The following HASPIN variants were observed in gnomAD, a reference collection of about 807,000 sequenced individuals.
The protein encoded by HASPIN is histone H3 associated protein kinase.
HASPIN carries 24 observed loss-of-function variants against 28.8 expected under a neutral mutation model. That is an observed-to-expected ratio of 0.83 (90% CI 0.60 to 1.17). The LOEUF (loss-of-function observed/expected upper bound fraction) is 1.17. Ranked by LOEUF, HASPIN falls within the 50% of genes most tolerant of loss-of-function variation. HASPIN has a pLI of 0.00. For missense variants in HASPIN, 1,016 were observed against 1,018.5 expected, an observed-to-expected ratio of 1.00 and a Z score of 0.03; for synonymous variants, 440 against 413.1, an observed-to-expected ratio of 1.07 and a Z score of -0.79.
chr17:3,724,525 C>T lies in HASPIN; in HGVS notation c.590C>T (p.Ala197Val). 1 of 1,614,026 alleles carries T rather than the reference C, an allele frequency of 6.2e-7. No homozygotes were observed. The highest frequency in any genetic ancestry group is 1.1e-5 in the South Asian group (1 of 91,080). Residue 197 changes from alanine (A) to valine (V), a missense_variant, in exon 1 of 1, where the codon GCA becomes GTA. This residue lies in a region of HASPIN where 881 missense variants were observed against 845.5 expected (regional missense o/e 1.04). Coordinates refer to ENST00000325418, the MANE Select transcript of HASPIN (RefSeq NM_031965.2). ...ATCGGCACCTCCGCCTGTCTGGTTG[C>T]AGCCTCAGCCGTCCCGAGCGGCCTC... is the stretch of plus-strand genomic sequence containing the variant. The part of the protein sequence containing the change: ...ISIGTSACLV[A>V]ASAVPSGLHL...
At position 3,724,886 on chromosome 17, in the gene HASPIN, T is replaced by C; in HGVS notation, c.951T>C (p.Ser317=). Residue 317 remains serine (S), a synonymous_variant, in exon 1 of 1, where the codon AGT becomes AGC. Coordinates refer to ENST00000325418, the MANE Select transcript of HASPIN (RefSeq NM_031965.2). ...TCCGGAGAGAGCATCAGGAGGCCAG[T>C]GTTCCCAAGGGCCGCATTGTGCCAA... is the stretch of plus-strand genomic sequence containing the variant. ...EAVRREHQEA[S]VPKGRIVPRG... is the part of the protein sequence containing the mutation. 5.0e-6 allele frequency: 8 copies of C among 1,613,552 alleles called. No homozygotes were observed. Among genetic ancestry groups the C allele is most frequent in the Non-Finnish European group, 6.8e-6 (8 of 1,179,798 alleles).
In HASPIN at chr17:3,726,018, C is replaced by T. The variant is rs1238003669; in HGVS notation, c.2083C>T (p.Arg695Trp). Residue 695 changes from arginine (R) to tryptophan (W), a missense_variant, in exon 1 of 1, where the codon CGG becomes TGG. Arg to Trp is a moderately radical substitution (Grantham distance 101). Transcript: ENST00000325418. ...TGACTACACCCTGTCGCGCTTGGAA[C>T]GGGATGGGATTGTGGTTTTCTGTGA... ...IIDYTLSRLE[R>W]DGIVVFCDVS... The T allele has an allele frequency of 5.0e-6, 8 of 1,613,930 alleles. No homozygotes were observed. Among genetic ancestry groups the T allele is most frequent in the East Asian group, 2.2e-5 (1 of 44,904 alleles).
chr17:3,725,167 C>A lies in HASPIN; in HGVS notation c.1232C>A (p.Ser411Tyr). The change falls in exon 1 of 1, where the codon TCT becomes TAT. Residue 411 changes from serine (S) to tyrosine (Y), a missense_variant. Physicochemically the swap from Ser to Tyr is moderately radical, Grantham distance 144 (BLOSUM62 -2). Around this residue, in one of 3 missense-constraint regions of HASPIN, gnomAD observed 881 missense variants for 845.5 expected, o/e 1.04. Coordinates refer to ENST00000325418, the MANE Select transcript of HASPIN (RefSeq NM_031965.2). Reference protein sequence around the residue: ...EVCSIYTTATSLSGSLLSECS... With the variant: ...EVCSIYTTATYLSGSLLSECS... ...TGCAGCATCTATACCACTGCCACTTCTCTCTCTGGATCCCTCCTATCAGAA... is the reference window on the plus strand; with the variant it reads ...TGCAGCATCTATACCACTGCCACTTATCTCTCTGGATCCCTCCTATCAGAA... 6.2e-7 allele frequency: 1 copy of A among 1,614,196 alleles called. No individual in the cohort carries two copies. Among genetic ancestry groups the A allele is most frequent in the Non-Finnish European group, 8.5e-7 (1 of 1,180,024 alleles).
rs2051177781 is a variant in HASPIN, at chr17:3,725,165, TTC to T, written c.1238_1239del (p.Ser413TrpfsTer46). ...TCTGCAGCATCTATACCACTGCCAC[TTC>T]TCTCTCTGGATCCCTCCTATCAGAA... Reference protein sequence around the residue: ...EVCSIYTTATSLSGSLLSECS... With the variant: ...EVCSIYTTATXLSGSLLSECS... On this transcript the variant is annotated frameshift_variant, in exon 1 of 1. Transcript: ENST00000325418. LOFTEE classifies it high-confidence loss of function. 2 of 1,614,228 alleles carry T rather than the reference TTC, an allele frequency of 1.2e-6. No homozygotes were observed. The highest frequency in any genetic ancestry group is 2.2e-5 in the South Asian group (2 of 91,088).
rs776983219 is a variant in HASPIN at position 3,724,626 on chromosome 17, A to C, written c.691A>C (p.Thr231Pro). 16 of 1,614,090 alleles carry C rather than the reference A, an allele frequency of 9.9e-6. No individual in the cohort carries two copies. Among genetic ancestry groups the C allele is most frequent in the Non-Finnish European group, 1.4e-5 (16 of 1,180,044 alleles). ...QEEATGGAKD[T>P]RMVHQTRASL... is the part of the protein sequence containing the mutation. ...GGAAGCGACAGGAGGAGCCAAGGAC[A>C]CCAGGATGGTCCACCAAACCCGCGC... is the stretch of plus-strand genomic sequence containing the variant. Residue 231 changes from threonine (T) to proline (P), a missense_variant, in exon 1 of 1, where the codon ACC (threonine) becomes CCC (proline). By Grantham distance (38) the Thr-to-Pro change is conservative. This residue lies in a region of HASPIN where 881 missense variants were observed against 845.5 expected (regional missense o/e 1.04). Transcript: ENST00000325418.
Position 3,724,895 on chromosome 17 carries a change from G to C in HASPIN, c.960G>C (p.Lys320Asn), listed in dbSNP as rs529373399. The C allele has an allele frequency of 1.2e-6, 2 of 1,613,528 alleles. No homozygotes were observed. Among genetic ancestry groups the C allele is most frequent in the East Asian group, 4.5e-5 (2 of 44,874 alleles). ...AGCATCAGGAGGCCAGTGTTCCCAAGGGCCGCATTGTGCCAAGGGGAATAG... is the reference window on the plus strand; with the variant it reads ...AGCATCAGGAGGCCAGTGTTCCCAACGGCCGCATTGTGCCAAGGGGAATAG... ...RREHQEASVPKGRIVPRGIDR... is the reference protein window; with the variant it reads ...RREHQEASVPNGRIVPRGIDR... The change falls in exon 1 of 1, where the codon AAG becomes AAC. Residue 320 changes from lysine (K) to asparagine (N), a missense_variant. This residue lies in a region of HASPIN where 881 missense variants were observed against 845.5 expected (regional missense o/e 1.04). Coordinates refer to ENST00000325418, the MANE Select transcript of HASPIN (RefSeq NM_031965.2).
chr17:3,726,171 C>T lies in HASPIN; in HGVS notation c.2236C>T (p.His746Tyr), dbSNP rs1305234206. 6.2e-7 allele frequency: 1 copy of T among 1,614,072 alleles called. No homozygotes were observed. The highest frequency in any genetic ancestry group is 8.5e-7 in the Non-Finnish European group (1 of 1,180,040). Reference protein sequence around the residue: ...YHPYSNVLWLHYLTDKMLKQM... With the variant: ...YHPYSNVLWLYYLTDKMLKQM... ...CCCTTATAGTAATGTGCTCTGGTTA[C>T]ATTACCTGACAGACAAGATGCTGAA... is the stretch of plus-strand genomic sequence containing the variant. The change falls in exon 1 of 1, where the codon CAT (histidine) becomes TAT (tyrosine). Residue 746 changes from histidine to tyrosine, a missense_variant. By Grantham distance (83) the His-to-Tyr change is moderately conservative. Around this residue, in one of 3 missense-constraint regions of HASPIN, gnomAD observed 129 missense variants for 156.2 expected, o/e 0.83. Transcript: ENST00000325418.
Position 3,724,880 on chromosome 17 carries a change from G to A in HASPIN, c.945G>A (p.Glu315=). The A allele has an allele frequency of 6.2e-7, 1 of 1,613,960 alleles. No homozygotes were observed. Among genetic ancestry groups the A allele is most frequent in the Non-Finnish European group, 8.5e-7 (1 of 1,180,038 alleles). The change falls in exon 1 of 1, where the codon GAG becomes GAA. Residue 315 remains glutamate (E), a synonymous_variant. Coordinates refer to ENST00000325418, the MANE Select transcript of HASPIN (RefSeq NM_031965.2). Reference sequence around the variant, plus strand: ...AGGCCGTCCGGAGAGAGCATCAGGAGGCCAGTGTTCCCAAGGGCCGCATTG... The same window carrying A: ...AGGCCGTCCGGAGAGAGCATCAGGAAGCCAGTGTTCCCAAGGGCCGCATTG... ...LQEAVRREHQ[E]ASVPKGRIVP...
chr17:3,724,178 G>T lies in HASPIN; in HGVS notation c.243G>T (p.Arg81Ser). The change falls in exon 1 of 1, where the codon AGG becomes AGT. Residue 81 changes from arginine to serine, a missense_variant. Around this residue, in one of 3 missense-constraint regions of HASPIN, gnomAD observed 881 missense variants for 845.5 expected, o/e 1.04. Transcript: ENST00000325418. ...FPGSPVRRRRRRPGGRVPKDR... is the reference protein window; with the variant it reads ...FPGSPVRRRRSRPGGRVPKDR... ...GCAGCCCGGTGAGGCGGCGGCGGAG[G>T]CGTCCCGGCGGCCGAGTGCCCAAGG... 6.3e-7 allele frequency: 1 copy of T among 1,591,828 alleles called. No homozygotes were observed. The highest frequency in any genetic ancestry group is 8.5e-7 in the Non-Finnish European group (1 of 1,176,316).
At position 3,723,923 on chromosome 17, in the gene HASPIN, G is replaced by C. The variant is rs953783175; in HGVS notation, c.-13G>C. The stretch of plus-strand genomic sequence containing the variant: ...GCGATGTTTGCGTTTGAACCTCTTG[G>C]CGGGTGCCGGCCATGGCGGCTTCGC... On this transcript the variant is annotated 5_prime_UTR_variant, in exon 1 of 1. Coordinates refer to ENST00000325418, the MANE Select transcript of HASPIN (RefSeq NM_031965.2). 6.5e-7 allele frequency: 1 copy of C among 1,542,824 alleles called. No homozygotes were observed.
In HASPIN at chr17:3,725,688, G is replaced by A; in HGVS notation, c.1753G>A (p.Gly585Ser). The A allele has an allele frequency of 3.2e-6, 5 of 1,581,732 alleles. No homozygotes were observed. In the South Asian group the frequency reaches 5.8e-5, roughly 18 times the overall value. ...KAWDHYNSTK[G>S]SANDRPDFFK... The stretch of plus-strand genomic sequence containing the variant: ...CTGGGATCACTATAATTCAACCAAA[G>A]GCTCTGCAAATGACCGGCCTGATTT... Residue 585 changes from glycine to serine, a missense_variant, in exon 1 of 1, where the codon GGC (glycine) becomes AGC (serine). This residue lies in a region of HASPIN where 881 missense variants were observed against 845.5 expected (regional missense o/e 1.04). Transcript: ENST00000325418.
In HASPIN at chr17:3,724,084, G is replaced by A. The variant is rs1398610709; in HGVS notation, c.149G>A (p.Ser50Asn). Residue 50 changes from serine to asparagine, a missense_variant, in exon 1 of 1, where the codon AGC (serine) becomes AAC (asparagine). Ser to Asn is a conservative substitution (Grantham distance 46). This residue lies in a region of HASPIN where 881 missense variants were observed against 845.5 expected (regional missense o/e 1.04). Coordinates refer to ENST00000325418, the MANE Select transcript of HASPIN (RefSeq NM_031965.2). ...RRRFFNSSGS[S>N]DASIGDPSQS... ...CGTTTCTTCAACAGCAGCGGCAGCAGCGACGCCAGCATCGGCGACCCCTCG... is the reference window on the plus strand; with the variant it reads ...CGTTTCTTCAACAGCAGCGGCAGCAACGACGCCAGCATCGGCGACCCCTCG... The A allele has an allele frequency of 2.5e-6, 4 of 1,596,048 alleles. No individual in the cohort carries two copies. The highest frequency in any genetic ancestry group is 8.5e-7 in the Non-Finnish European group (1 of 1,177,698).
rs220461 is a variant in HASPIN, at chr17:3,724,918, T to C, written c.983T>C (p.Ile328Thr). ...AAGGGCCGCATTGTGCCAAGGGGAA[T>C]AGACAGGCTGGAGAGAACTAGATCA... The part of the protein sequence containing the change: ...VPKGRIVPRG[I>T]DRLERTRSSR... The change falls in exon 1 of 1, where the codon ATA (isoleucine) becomes ACA (threonine). Residue 328 changes from isoleucine (I) to threonine (T), a missense_variant. Around this residue, in one of 3 missense-constraint regions of HASPIN, gnomAD observed 881 missense variants for 845.5 expected, o/e 1.04. Coordinates refer to ENST00000325418, the MANE Select transcript of HASPIN (RefSeq NM_031965.2). 511,149 of 1,613,610 alleles carry C rather than the reference T, an allele frequency of 0.32. 86,577 individuals are homozygous for C. Among genetic ancestry groups the C allele is most frequent in the South Asian group, 0.5 (45,354 of 91,084 alleles).
chr17:3,726,150 T>C lies in HASPIN; in HGVS notation c.2215T>C (p.Tyr739His), dbSNP rs74714325. The change falls in exon 1 of 1, where the codon TAT (tyrosine) becomes CAT (histidine). Residue 739 changes from tyrosine to histidine, a missense_variant. By Grantham distance (83) the Tyr-to-His change is moderately conservative (BLOSUM62 2). This residue lies in a region of HASPIN where 129 missense variants were observed against 156.2 expected (regional missense o/e 0.83). Coordinates refer to ENST00000325418, the MANE Select transcript of HASPIN (RefSeq NM_031965.2). ...CAACCGCTGGGGTGAATATCACCCT[T>C]ATAGTAATGTGCTCTGGTTACATTA... is the stretch of plus-strand genomic sequence containing the variant. ...NNNRWGEYHP[Y>H]SNVLWLHYLT... 2,027 of 1,614,188 alleles carry C rather than the reference T, an allele frequency of 1.3e-3. 3 individuals carry two copies. The highest frequency in any genetic ancestry group is 1.5e-3 in the Non-Finnish European group (1,822 of 1,180,022).
rs768907270 is a variant in HASPIN at position 3,724,365 on chromosome 17, G to C, written c.430G>C (p.Gly144Arg). 25 of 1,603,548 alleles carry C rather than the reference G, an allele frequency of 1.6e-5. No individual in the cohort carries two copies. The highest frequency in any genetic ancestry group is 1.6e-4 in the Middle Eastern group (1 of 6,072). ...TCCGCCCTTCCCCAGCCGCGACTCCGGCCGCCTCAGCCCGGACCTCAGCGT... is the reference window on the plus strand; with the variant it reads ...TCCGCCCTTCCCCAGCCGCGACTCCCGCCGCCTCAGCCCGGACCTCAGCGT... ...RLPPFPSRDSGRLSPDLSVCG... is the reference protein window; with the variant it reads ...RLPPFPSRDSRRLSPDLSVCG... The change falls in exon 1 of 1, where the codon GGC (glycine) becomes CGC (arginine). Residue 144 changes from glycine (G) to arginine (R), a missense_variant. By Grantham distance (125) the Gly-to-Arg change is moderately radical. Around this residue, in one of 3 missense-constraint regions of HASPIN, gnomAD observed 881 missense variants for 845.5 expected, o/e 1.04. Transcript: ENST00000325418.
chr17:3,726,561 C>A lies in HASPIN; in HGVS notation c.*229C>A. On this transcript the variant is annotated 3_prime_UTR_variant, in exon 1 of 1. Coordinates refer to ENST00000325418, the MANE Select transcript of HASPIN (RefSeq NM_031965.2). ...GAAGTAAACTAGCCGGGCACAGTGG[C>A]GTGCGCCTGTAGTCCCAGCTACTCG... 1.9e-6 allele frequency: 1 copy of A among 513,332 alleles called. No individual in the cohort carries two copies. Among genetic ancestry groups the A allele is most frequent in the Non-Finnish European group, 3.5e-6 (1 of 287,840 alleles). 31.8% of individuals were successfully genotyped at this position (513,332 alleles called of 1,614,324 possible).
In HASPIN at chr17:3,726,167, G is replaced by A. The variant is rs1388045088; in HGVS notation, c.2232G>A (p.Trp744Ter). 1 of 1,614,136 alleles carries A rather than the reference G, an allele frequency of 6.2e-7. No individual in the cohort carries two copies. The highest frequency in any genetic ancestry group is 1.1e-5 in the South Asian group (1 of 91,082). The change falls in exon 1 of 1, where the codon TGG becomes TGA. Residue 744 changes from tryptophan to a stop codon, truncating the protein, a stop_gained. Coordinates refer to ENST00000325418, the MANE Select transcript of HASPIN (RefSeq NM_031965.2). LOFTEE classifies it high-confidence loss of function. ...GEYHPYSNVL[W>*]LHYLTDKMLK... ...ATCACCCTTATAGTAATGTGCTCTGGTTACATTACCTGACAGACAAGATGC... is the reference window on the plus strand; with the variant it reads ...ATCACCCTTATAGTAATGTGCTCTGATTACATTACCTGACAGACAAGATGC...
rs143260598 is a variant in HASPIN at position 3,725,571 on chromosome 17, T to C, written c.1636T>C (p.Ser546Pro). 6.2e-7 allele frequency: 1 copy of C among 1,614,108 alleles called. No individual in the cohort carries two copies. The highest frequency in any genetic ancestry group is 8.5e-7 in the Non-Finnish European group (1 of 1,180,050). Residue 546 changes from serine (S) to proline (P), a missense_variant, in exon 1 of 1, where the codon TCC becomes CCC. Ser to Pro is a moderately conservative substitution (Grantham distance 74). Transcript: ENST00000325418. Reference protein sequence around the residue: ...IIISKELSLLSGEVCNRTEGF... With the variant: ...IIISKELSLLPGEVCNRTEGF... ...CATCTCCAAAGAGTTGAGCCTCTTA[T>C]CCGGTGAAGTGTGCAACCGCACAGA...
In HASPIN at chr17:3,725,893, G is replaced by A. The variant is rs1458414327; in HGVS notation, c.1958G>A (p.Gly653Glu). Reference protein sequence around the residue: ...LRFEHRDLHWGNVLLKKTSLK... With the variant: ...LRFEHRDLHWENVLLKKTSLK... ...TTTGAGCACCGAGACTTACACTGGG[G>A]GAACGTGCTCTTAAAGAAAACCAGC... Residue 653 changes from glycine (G) to glutamate (E), a missense_variant, in exon 1 of 1, where the codon GGG becomes GAG. Physicochemically the swap from Gly to Glu is moderately conservative, Grantham distance 98 (BLOSUM62 -2). Coordinates refer to ENST00000325418, the MANE Select transcript of HASPIN (RefSeq NM_031965.2). The A allele has an allele frequency of 6.2e-7, 1 of 1,612,568 alleles. No homozygotes were observed. The highest frequency in any genetic ancestry group is 1.7e-5 in the Admixed American group (1 of 60,004).
Sources: allele counts gnomAD v4.1 joint callset, GRCh38; gene constraint gnomAD v4.1.1; regional missense constraint gnomAD v4.1.1; transcripts MANE v1.5; gene names NCBI Gene and HGNC (gene_info 2026-07-23, HGNC 2026-07-21).